The following SUSD5 variants were observed in gnomAD, a reference collection of about 807,000 sequenced individuals.
SUSD5 encodes the protein sushi domain-containing protein 5.
Under a neutral mutation model 29.5 loss-of-function variants are expected in SUSD5, and 33 were observed. That is an observed-to-expected ratio of 1.12 (90% CI 0.85 to 1.49). SUSD5 has a LOEUF of 1.49. Ranked by LOEUF, SUSD5 falls within the 40% of genes most tolerant of loss-of-function variation. SUSD5 has a pLI of 0.00. For synonymous variants in SUSD5, 308 were observed against 325.3 expected (o/e 0.95, Z 0.57); for missense variants, 776 against 800.6 (o/e 0.97, Z 0.37).
At chr3:33,160,719 C>G (rs1188973545) in intron 4 of SUSD5, among the ~76,000 whole-genome samples, 1 of 151,932 alleles carries the variant, frequency 6.6e-6, no homozygotes, top group East Asian at 1.9e-4. Context: ...AATTCAGGAC[C>G]AATGTAGCAT....
At chr3:33,177,751 C>T (rs1037046860) in intron 3 of SUSD5, among the ~76,000 whole-genome samples, 15 of 152,166 alleles carry the variant, frequency 9.9e-5, no homozygotes, top group African/African-American at 3.6e-4. Flanking sequence ...GTACGTTAAC[C>T]TTGTATCCTG....
chr3:33,152,747 C>T lies in SUSD5; in HGVS notation c.1885G>A (p.Val629Ile). 6.2e-7 allele frequency: 1 copy of T among 1,606,794 alleles called. No homozygotes were observed. Among genetic ancestry groups the T allele is most frequent in the Non-Finnish European group, 8.5e-7 (1 of 1,176,078 alleles). ...HYHQQIEMEKV is the reference protein window; with the variant it reads ...HYHQQIEMEKI ...AGAACCCACTCCAAAGGTGCCTAGA[C>T]CTTCTCCATCTCGATCTGCTGGTGG... Residue 629 changes from valine to isoleucine, a missense_variant, in exon 5 of 5, where the codon GTC becomes ATC. Val to Ile is a conservative substitution (Grantham distance 29, BLOSUM62 3). Transcript: ENST00000309558.
intron 4 of SUSD5, among the ~76,000 whole-genome samples, chr3:33,169,610 G>T (rs2031380134): frequency 6.6e-6 from 1 of 152,200 alleles, no homozygotes; most frequent in Non-Finnish European, 1.5e-5. Flanking sequence ...ACAACTCCCA[G>T]AAGACAGACA....
chr3:33,168,433 TA>T (rs2125618156), intron 4 of SUSD5: 3 of 851,916 alleles, frequency 3.5e-6, no homozygotes, highest in Admixed American at 6.2e-5. Context: ...AAATTAAGTC[TA>T]AAAGATGGAG....
chr3:33,213,563 A>C (rs756727091), intron 2 of SUSD5, among the ~76,000 whole-genome samples: 12 of 152,114 alleles, frequency 7.9e-5, no homozygotes, highest in Non-Finnish European at 1.5e-4. Context: ...CACCTGAGGT[A>C]AGGAGTTCGA....
Position 33,153,308 on chromosome 3 carries a change from G to A in SUSD5, c.1324C>T (p.Leu442=). Residue 442 remains leucine, a synonymous_variant, in exon 5 of 5, where the codon CTA becomes TTA. Coordinates refer to ENST00000309558, the MANE Select transcript of SUSD5 (RefSeq NM_015551.2). ...THSSVLPSQM[L]DVEALALRPV... The stretch of plus-strand genomic sequence containing the variant: ...CTGAGCGCCAAAGCTTCCACATCTA[G>A]CATTTGAGATGGAAGAACTGAACTA... 1 of 1,613,968 alleles carries A rather than the reference G, an allele frequency of 6.2e-7. No individual in the cohort carries two copies. Among genetic ancestry groups the A allele is most frequent in the Non-Finnish European group, 8.5e-7 (1 of 1,179,880 alleles).
chr3:33,214,035 G>T lies in SUSD5; in HGVS notation c.183C>A (p.Cys61Ter). Residue 61 changes from cysteine to a stop codon, truncating the protein, a stop_gained, in exon 2 of 5, where the codon TGC (cysteine) becomes TGA (stop). Coordinates refer to ENST00000309558, the MANE Select transcript of SUSD5 (RefSeq NM_015551.2). LOFTEE classifies it high-confidence loss of function. ...GLQLEAARLS[C>*]KSRGAHLASA... ...ATGCCAGGTGAGCGCCCCTGCTCTT[G>T]CAGGAAAGCCGAGCAGCCTCCAGTT... 1 of 1,613,658 alleles carries T rather than the reference G, an allele frequency of 6.2e-7. No individual in the cohort carries two copies. The highest frequency in any genetic ancestry group is 1.3e-5 in the African/African-American group (1 of 75,050).
intron 4 of SUSD5, among the ~76,000 whole-genome samples, chr3:33,164,569 C>T (rs182027226): frequency 1.3e-5 from 2 of 152,100 alleles, no homozygotes; most frequent in Admixed American, 1.3e-4. Flanking sequence ...ATGAAGGATA[C>T]TATGAAGAAC....
chr3:33,216,289 T>C (rs2032426628), intron 1 of SUSD5, among the ~76,000 whole-genome samples: 3 of 152,174 alleles, frequency 2.0e-5, no homozygotes, highest in Admixed American at 2.0e-4. Flanking sequence ...ACAAAATTAA[T>C]TTTAAAATCT....
chr3:33,180,848 A>AT (rs2031654984), intron 3 of SUSD5, among the ~76,000 whole-genome samples: 19 of 149,556 alleles, frequency 1.3e-4, no homozygotes, highest in Admixed American at 3.3e-4. Context: ...TCAAAAAAAA[A>AT]ATTTTTTTTT....
intron 1 of SUSD5, 46 bp downstream of exon 1, chr3:33,218,640 G>C (rs1414374050): frequency 8.1e-7 from 1 of 1,238,894 alleles, no homozygotes; most frequent in Non-Finnish European, 1.0e-6. Flanking sequence ...CTCCCTGCCC[G>C]GACCCCACGC....
chr3:33,198,125 C>T (rs1417208554), intron 3 of SUSD5, among the ~76,000 whole-genome samples: 1 of 152,160 alleles, frequency 6.6e-6, no homozygotes, highest in Non-Finnish European at 1.5e-5. Context: ...AGAAACCATA[C>T]TATTATTATC....
intron 3 of SUSD5, among the ~76,000 whole-genome samples, chr3:33,202,161 A>C (rs2032134291): frequency 6.6e-6 from 1 of 152,184 alleles, no homozygotes. Context: ...ATGAACACAT[A>C]AATGACTGAC....
At chr3:33,193,536 A>G (rs1002890630) in intron 3 of SUSD5, among the ~76,000 whole-genome samples, 1 of 152,180 alleles carries the variant, frequency 6.6e-6, no homozygotes, top group Non-Finnish European at 1.5e-5. Flanking sequence ...AGCAATGCCC[A>G]TAGGTAGCTG....
At chr3:33,207,413 G>A (rs1195613781) in intron 3 of SUSD5, among the ~76,000 whole-genome samples, 2 of 152,054 alleles carry the variant, frequency 1.3e-5, no homozygotes, top group African/African-American at 2.4e-5. Flanking sequence ...GTGCACACAC[G>A]AAAAAACAGA....
chr3:33,165,871 A>C (rs1393950925), intron 4 of SUSD5, among the ~76,000 whole-genome samples: 1 of 152,214 alleles, frequency 6.6e-6, no homozygotes, highest in Non-Finnish European at 1.5e-5. Context: ...GCCCAGGTGC[A>C]GTGGCTCATG....
Position 33,152,942 on chromosome 3 carries a change from C to G in SUSD5, c.1690G>C (p.Gly564Arg). ...CTGCTGAGGCCAGGACATCCGTCCC[C>G]CACACACGACTCCAAGGTGGGATGA... ...ELHPTLESCV[G>R]DGCPGLSRGP... The change falls in exon 5 of 5, where the codon GGG becomes CGG. Residue 564 changes from glycine to arginine, a missense_variant. Gly to Arg is a moderately radical substitution (Grantham distance 125). Coordinates refer to ENST00000309558, the MANE Select transcript of SUSD5 (RefSeq NM_015551.2). 1 of 1,613,946 alleles carries G rather than the reference C, an allele frequency of 6.2e-7. No individual in the cohort carries two copies. Among genetic ancestry groups the G allele is most frequent in the Non-Finnish European group, 8.5e-7 (1 of 1,179,860 alleles).
At chr3:33,154,489 C>G (rs1186033092) in intron 4 of SUSD5, among the ~76,000 whole-genome samples, 1 of 152,170 alleles carries the variant, frequency 6.6e-6, no homozygotes, top group African/African-American at 2.4e-5. Context: ...TACCACTGCA[C>G]TCCAGCCTGG....
At chr3:33,187,182 A>G (rs769776348) in intron 3 of SUSD5, among the ~76,000 whole-genome samples, 2 of 152,228 alleles carry the variant, frequency 1.3e-5, no homozygotes, top group Non-Finnish European at 2.9e-5. Flanking sequence ...GGACTGATTA[A>G]TACTTTCAGT....
Sources: gnomAD v4.1 joint callset for allele counts (sites outside exome capture counted in the v4.1 genomes callset) on GRCh38, gnomAD v4.1.1 for gene constraint, MANE v1.5 for transcripts, NCBI Gene and HGNC (gene_info 2026-07-23, HGNC 2026-07-21) for gene names.